The following ERICH1 variants were observed in gnomAD, a reference collection of about 807,000 sequenced individuals.
ERICH1 encodes glutamate-rich protein 1.
In ERICH1, 56 loss-of-function variants were observed where a neutral mutation model predicts 39.6. The observed-to-expected ratio is 1.41, with a 90% CI of 1.14 to 1.77. The LOEUF is 1.77. Among genes scored for constraint, ERICH1 ranks in the 40% most tolerant of loss-of-function variants. The pLI is 0.00. For missense variants in ERICH1, 826 were observed against 575.4 expected (o/e 1.44, Z -4.45); for synonymous variants, 313 against 223.6 (o/e 1.40, Z -3.57).
At chr8:652,251 G>C (rs1053856091) in intron 3 of ERICH1, among the ~76,000 whole-genome samples, 1 of 152,256 alleles carries the variant, frequency 6.6e-6, no homozygotes, top group African/African-American at 2.4e-5. Flanking sequence ...CCAGCAGGAG[G>C]AAAGGTTACG....
intron 3 of ERICH1, chr8:625,573 T>C (rs1019020670): frequency 2.6e-5 from 4 of 152,230 alleles, no homozygotes; most frequent in Non-Finnish European, 5.9e-5. Flanking sequence ...CAACTCTGAA[T>C]ATACTAAAAG....
Position 664,568 on chromosome 8 carries a change from T to G in ERICH1, c.*35A>C, listed in dbSNP as rs917441806. ...CACATTTGTCTTTTAAGTTTTTTTG[T>G]TAAAGAGGAGCTGTTCTTAAAGAGA... On this transcript the variant is annotated 3_prime_UTR_variant, in exon 6 of 6. Coordinates refer to ENST00000262109, the MANE Select transcript of ERICH1 (RefSeq NM_207332.3). 1 of 1,579,560 alleles carries G rather than the reference T, an allele frequency of 6.3e-7. No homozygotes were observed. Among genetic ancestry groups the G allele is most frequent in the Non-Finnish European group, 8.6e-7 (1 of 1,164,960 alleles).
chr8:692,903 A>C (rs1809243970), intron 2 of ERICH1, among the ~76,000 whole-genome samples: 1 of 152,260 alleles, frequency 6.6e-6, no homozygotes, highest in East Asian at 1.9e-4. Flanking sequence ...CACAATACAA[A>C]AACATAACTA....
chr8:632,361 G>T (rs1057184175), intron 3 of ERICH1, among the ~76,000 whole-genome samples: 1 of 152,140 alleles, frequency 6.6e-6, no homozygotes, highest in East Asian at 1.9e-4. Flanking sequence ...AAGGCTGCAA[G>T]AAATGTTTAA....
chr8:665,251 G>A (rs1488446191), intron 5 of ERICH1, among the ~76,000 whole-genome samples: 2 of 151,958 alleles, frequency 1.3e-5, no homozygotes, highest in Non-Finnish European at 2.9e-5. Context: ...CGACCTCTGA[G>A]CCCACTGGTC....
intron 3 of ERICH1, among the ~76,000 whole-genome samples, chr8:681,195 C>T (rs1179730994): frequency 1.3e-5 from 2 of 152,194 alleles, no homozygotes; most frequent in Non-Finnish European, 2.9e-5. Context: ...TCACCCAAAT[C>T]GCCACGCCCA....
At chr8:625,962 A>T (rs1203970719) in intron 3 of ERICH1, 2 of 152,248 alleles carry the variant, frequency 1.3e-5, no homozygotes, top group Non-Finnish European at 2.9e-5. Flanking sequence ...GAAGTTATTT[A>T]TTCTGCCTAG....
chr8:619,524 A>G (rs1797147075), intron 3 of ERICH1, among the ~76,000 whole-genome samples: 2 of 152,358 alleles, frequency 1.3e-5, no homozygotes, highest in South Asian at 2.1e-4. Context: ...AGAGAAAGCA[A>G]TGACATCAGA....
At chr8:725,068 G>A in intron 1 of ERICH1, 1 of 168,830 alleles carries the variant, frequency 5.9e-6, no homozygotes, top group Non-Finnish European at 1.3e-5. Context: ...TTCTGTACCT[G>A]CTGTCCCCTC....
At chr8:633,117 G>A (rs927480300) in intron 3 of ERICH1, among the ~76,000 whole-genome samples, 1 of 151,000 alleles carries the variant, frequency 6.6e-6, no homozygotes, top group Non-Finnish European at 1.5e-5. Context: ...CCAGTGTGGA[G>A]CCACCGTGGT....
At chr8:621,505 TAAATAATTA>T (rs1160202396) in intron 3 of ERICH1, among the ~76,000 whole-genome samples, 2 of 151,680 alleles carry the variant, frequency 1.3e-5, no homozygotes, top group Admixed American at 6.6e-5. Context: ...AAAAATTTTT[TAAATAATTA>T]AAATAATTAA....
At chr8:708,061 G>C (rs934246650) in intron 2 of ERICH1, among the ~76,000 whole-genome samples, 18 of 151,844 alleles carry the variant, frequency 1.2e-4, no homozygotes, top group African/African-American at 4.4e-4. Flanking sequence ...TCAGTCATCA[G>C]AAAAATGGAA....
chr8:633,482 C>A (rs1054131303), intron 3 of ERICH1, among the ~76,000 whole-genome samples: 6 of 152,244 alleles, frequency 3.9e-5, no homozygotes, highest in Non-Finnish European at 7.4e-5. Flanking sequence ...GCCCTCAAAA[C>A]AATATATCTT....
At position 645,221 on chromosome 8, in the gene ERICH1, C is replaced by T. The variant is rs1293641368; in HGVS notation, c.976+23377G>A. The stretch of plus-strand genomic sequence containing the variant: ...GTCCGCGTTGAGCTGTGACCGCAGA[C>T]GCGCTTTCCTTGCTTTGGGACGCAC... On this transcript the variant is annotated intron_variant, in intron 3 of 3. Coordinates refer to the ERICH1 transcript ENST00000522706. 3.0e-5 allele frequency among the ~76,000 whole-genome samples: 2 copies of T among 67,694 alleles called. 1 individual carries two copies. Among genetic ancestry groups the T allele is most frequent in the Non-Finnish European group, 9.2e-5 (2 of 21,756 alleles). The allele number at this position is 67,694 out of a possible 152,430, so 44.4% of individuals were successfully genotyped here. A position where few individuals can be genotyped will look rare whatever the true frequency, so the allele number is the denominator to read the frequency against.
At chr8:652,164 C>T (rs1800047227) in intron 3 of ERICH1, among the ~76,000 whole-genome samples, 1 of 152,206 alleles carries the variant, frequency 6.6e-6, no homozygotes, top group African/African-American at 2.4e-5. Flanking sequence ...TCGACGCCTT[C>T]CCTGAACTCA....
chr8:726,819 C>A (rs1031319113), intron 1 of ERICH1, among the ~76,000 whole-genome samples: 1 of 151,850 alleles, frequency 6.6e-6, no homozygotes, highest in Non-Finnish European at 1.5e-5. Flanking sequence ...ACACACCACA[C>A]ATGCACAGAC....
chr8:655,388 G>T, intron 3 of ERICH1, among the ~76,000 whole-genome samples: 1 of 152,228 alleles, frequency 6.6e-6, no homozygotes, highest in East Asian at 1.9e-4. Flanking sequence ...ACCCAGGAGC[G>T]TATGTAATAG....
At chr8:707,492 CCA>C (rs995976514) in intron 2 of ERICH1, among the ~76,000 whole-genome samples, 6 of 152,132 alleles carry the variant, frequency 3.9e-5, no homozygotes, top group African/African-American at 1.4e-4. Flanking sequence ...CAGGTGTGAG[CCA>C]CCGCACCTGG....
At chr8:632,687 C>T (rs777459543) in intron 3 of ERICH1, among the ~76,000 whole-genome samples, 1 of 152,230 alleles carries the variant, frequency 6.6e-6, no homozygotes, top group African/African-American at 2.4e-5. Flanking sequence ...AAGCCACGGA[C>T]ACGCTCAGTC....
Sources: gnomAD v4.1 joint callset for allele counts (sites outside exome capture counted in the v4.1 genomes callset) on GRCh38, gnomAD v4.1.1 for gene constraint, MANE v1.5 for transcripts, NCBI Gene and HGNC (gene_info 2026-07-23, HGNC 2026-07-21) for gene names.